The following TCF12 variants were observed in gnomAD, a reference collection of about 807,000 sequenced individuals.
TCF12 encodes the protein transcription factor 12.
A neutral mutation model predicts 86.0 loss-of-function variants in TCF12; 45 were observed. The observed-to-expected ratio is 0.52, with a 90% CI of 0.41 to 0.67. The LOEUF (loss-of-function observed/expected upper bound fraction) is 0.67. Among genes scored for constraint, TCF12 ranks in the 30% least tolerant of loss-of-function variants. The pLI, the probability that TCF12 is intolerant of heterozygous loss-of-function variation, is 0.00. For missense variants in TCF12, 881 were observed against 859.9 expected, an observed-to-expected ratio of 1.02 and a Z score of -0.31; for synonymous variants, 330 against 299.6, an observed-to-expected ratio of 1.10 and a Z score of -1.05.
At chr15:56,930,724 A>T (rs1326423206) in intron 3 of TCF12, among the ~76,000 whole-genome samples, 1 of 128,050 alleles carries the variant, frequency 7.8e-6, no homozygotes, top group African/African-American at 3.8e-5. Context: ...ATTCTAGGTG[A>T]TAGCATATTT....
intron 3 of TCF12, among the ~76,000 whole-genome samples, chr15:57,063,470 G>A (rs1303164713): frequency 6.6e-6 from 1 of 152,212 alleles, no homozygotes; most frequent in African/African-American, 2.4e-5. Context: ...AGGGCGTGGT[G>A]CTGGATGGAG....
At chr15:56,955,404 G>A (rs1326563804) in intron 3 of TCF12, among the ~76,000 whole-genome samples, 2 of 152,018 alleles carry the variant, frequency 1.3e-5, no homozygotes, top group African/African-American at 2.4e-5. Context: ...GCCTGTCGTA[G>A]GGTGGGGGGC....
At chr15:57,030,246 A>G (rs187444917) in intron 3 of TCF12, among the ~76,000 whole-genome samples, 24 of 152,060 alleles carry the variant, frequency 1.6e-4, no homozygotes, top group East Asian at 5.8e-4. Flanking sequence ...TGATTAATCA[A>G]TTGATTAATT....
intron 16 of TCF12, among the ~76,000 whole-genome samples, chr15:57,261,186 A>G (rs12902581): frequency 0.39 from 59,522 of 151,996 alleles, 14,558 homozygotes; most frequent in Non-Finnish European, 0.54. Context: ...AGTAACTATT[A>G]AATTAAATTT....
intron 3 of TCF12, among the ~76,000 whole-genome samples, chr15:56,948,075 A>G (rs2061088840): frequency 6.6e-6 from 1 of 152,114 alleles, no homozygotes; most frequent in African/African-American, 2.4e-5. Flanking sequence ...AGCTTCATTT[A>G]TAAGGATTTT....
intron 16 of TCF12, among the ~76,000 whole-genome samples, chr15:57,256,856 A>G (rs960946): frequency 0.4 from 60,745 of 152,124 alleles, 15,096 homozygotes; most frequent in Non-Finnish European, 0.55. Flanking sequence ...GAGCATTCAG[A>G]TGACATTTTT....
At chr15:57,211,062 A>G (rs2058082698) in intron 8 of TCF12, among the ~76,000 whole-genome samples, 1 of 152,242 alleles carries the variant, frequency 6.6e-6, no homozygotes, top group African/African-American at 2.4e-5. Context: ...TATTATTTGA[A>G]GGGCATAGCC....
At chr15:57,073,883 G>T (rs2030726827) in intron 4 of TCF12, among the ~76,000 whole-genome samples, 1 of 152,000 alleles carries the variant, frequency 6.6e-6, no homozygotes, top group South Asian at 2.1e-4. Context: ...CGAGTAGCTG[G>T]GACTACAGGC....
At chr15:57,197,200 A>G (rs1030739330) in intron 7 of TCF12, among the ~76,000 whole-genome samples, 6 of 115,866 alleles carry the variant, frequency 5.2e-5, no homozygotes, top group African/African-American at 6.8e-5. Flanking sequence ...CTTGTTACCC[A>G]GGCTGGAGTA....
At chr15:57,266,038 T>C (rs2060849655) in intron 18 of TCF12, among the ~76,000 whole-genome samples, 1 of 152,136 alleles carries the variant, frequency 6.6e-6, no homozygotes. Flanking sequence ...AAGCAAATTA[T>C]GGCCCATGGG....
chr15:56,969,587 G>T (rs1436104129), intron 3 of TCF12, among the ~76,000 whole-genome samples: 2 of 148,280 alleles, frequency 1.3e-5, no homozygotes, highest in Admixed American at 1.4e-4. Context: ...ACCCGGACTG[G>T]AGGGCAGTGA....
chr15:57,027,514 G>A (rs2065893771), intron 3 of TCF12, among the ~76,000 whole-genome samples: 1 of 152,086 alleles, frequency 6.6e-6, no homozygotes, highest in Non-Finnish European at 1.5e-5. Flanking sequence ...GAATAAATCT[G>A]TTGTGAAATT....
intron 19 of TCF12, among the ~76,000 whole-genome samples, chr15:57,274,833 A>G: frequency 6.6e-6 from 1 of 152,242 alleles, no homozygotes; most frequent in South Asian, 2.1e-4. Context: ...CCCATAGTGC[A>G]TTAGAATCAG....
At chr15:56,966,498 G>A (rs1164094484) in intron 3 of TCF12, among the ~76,000 whole-genome samples, 1 of 152,136 alleles carries the variant, frequency 6.6e-6, no homozygotes, top group Admixed American at 6.5e-5. Flanking sequence ...AGAGACCATG[G>A]GAATGGTTTT....
chr15:56,994,735 G>C (rs1269668845), intron 3 of TCF12, among the ~76,000 whole-genome samples: 2 of 152,040 alleles, frequency 1.3e-5, no homozygotes, highest in Non-Finnish European at 2.9e-5. Context: ...AGGAATGAAG[G>C]TGACATAAGG....
intron 12 of TCF12, among the ~76,000 whole-genome samples, chr15:57,240,384 T>C (rs1243764518): frequency 1.3e-5 from 2 of 152,208 alleles, no homozygotes; most frequent in African/African-American, 4.8e-5. Context: ...CAGAAAATGC[T>C]GCTTCATGAG....
At chr15:57,251,539 A>T in intron 14 of TCF12, 116 bp downstream of exon 14, 3 of 971,204 alleles carry the variant, frequency 3.1e-6, no homozygotes, top group Non-Finnish European at 4.7e-6. Context: ...ATTCTTTGCT[A>T]ACAAATGGCT....
At position 57,184,740 on chromosome 15, in the gene TCF12, G is replaced by T. The variant is rs985334427; in HGVS notation, c.391-7418G>T. Among the ~76,000 whole-genome samples, 6 of 152,014 alleles carry T rather than the reference G, an allele frequency of 3.9e-5. No homozygotes were observed. The East Asian group carries it at 1.2e-3, about 29-fold the overall frequency. ...ATTTAAGCAATATTGAATGTGCCCA[G>T]CCTGAGCAAAATAAAAGAAGGAAAT... On this transcript the variant is annotated intron_variant, in intron 6 of 20. Coordinates refer to ENST00000333725, the MANE Select transcript of TCF12 (RefSeq NM_207037.2).
At chr15:57,007,427 A>G in intron 3 of TCF12, among the ~76,000 whole-genome samples, 1 of 152,222 alleles carries the variant, frequency 6.6e-6, no homozygotes. Context: ...ACAATCAGTA[A>G]AAAAGATAAA....
Sources: gnomAD v4.1 joint callset for allele counts (sites outside exome capture counted in the v4.1 genomes callset) on GRCh38, gnomAD v4.1.1 for gene constraint, MANE v1.5 for transcripts, NCBI Gene and HGNC (gene_info 2026-07-23, HGNC 2026-07-21) for gene names.